Variants in ALMS1 observed in about 807,000 individuals in gnomAD.
ALMS1 encodes the protein centrosome-associated protein ALMS1.
A neutral mutation model predicts 352.2 loss-of-function variants in ALMS1; 271 were observed. The observed-to-expected ratio is 0.77, with a 90% CI of 0.70 to 0.85. The LOEUF is 0.85. Ranked by LOEUF, ALMS1 falls within the 40% of genes least tolerant of loss-of-function variation. The probability of loss-of-function intolerance (pLI) is 0.00; values close to 1 mark genes in which losing one functional copy is unlikely to be tolerated. For missense variants in ALMS1, 5,445 were observed against 4,870.7 expected (o/e 1.12, Z -3.51); for synonymous variants, 1,865 against 1,761.2 (o/e 1.06, Z -1.48).
chr2:73,509,604 T>C (rs1270829022), intron 10 of ALMS1, among the ~76,000 whole-genome samples: 2 of 152,218 alleles, frequency 1.3e-5, no homozygotes, highest in Non-Finnish European at 2.9e-5. Flanking sequence ...TCTTCTGGCT[T>C]GTAGGGTTTC....
intron 9 of ALMS1, among the ~76,000 whole-genome samples, chr2:73,461,008 G>C (rs1416215025): frequency 1.3e-5 from 2 of 152,202 alleles, no homozygotes; most frequent in Non-Finnish European, 2.9e-5. Flanking sequence ...CTCCACCTCT[G>C]GGGGCAGGGC....
chr2:73,453,306 A>G lies in ALMS1; in HGVS notation c.6779A>G (p.Lys2260Arg). Residue 2260 changes from lysine to arginine, a missense_variant, in exon 8 of 23, where the codon AAG becomes AGG. Lys to Arg is a conservative substitution (Grantham distance 26). Coordinates refer to ENST00000613296, the MANE Select transcript of ALMS1 (RefSeq NM_001378454.1). ...QDAENSAKTL[K>R]EIRTLLMEAE... ...GCAGAAAATAGTGCTAAAACTCTTA[A>G]GGAAATTCGGACACTTTTGATGGAG... 1 of 1,614,032 alleles carries G rather than the reference A, an allele frequency of 6.2e-7. No homozygotes were observed. Among genetic ancestry groups the G allele is most frequent in the Non-Finnish European group, 8.5e-7 (1 of 1,179,984 alleles).
chr2:73,554,199 A>AGT (rs1410088043), intron 13 of ALMS1, among the ~76,000 whole-genome samples: 1 of 151,868 alleles, frequency 6.6e-6, no homozygotes, highest in East Asian at 1.9e-4. Flanking sequence ...AAGAAAAGCT[A>AGT]GTGTTGATAT....
chr2:73,589,850 C>G (rs1187951017), intron 16 of ALMS1, among the ~76,000 whole-genome samples: 1 of 152,166 alleles, frequency 6.6e-6, no homozygotes, highest in Non-Finnish European at 1.5e-5. Flanking sequence ...CTGTCTTTAG[C>G]ATATATACCC....
rs762785848 is a variant in ALMS1 at position 73,422,986 on chromosome 2, T to C, written c.764+12T>C. ...TTTGCACCTCTGAGGTAGGATGATT[T>C]ATTTGCATGTAACCTTTCTCACTTC... is the stretch of plus-strand genomic sequence containing the variant. On this transcript the variant is annotated intron_variant, in intron 4 of 22. Coordinates refer to ENST00000613296, the MANE Select transcript of ALMS1 (RefSeq NM_001378454.1). The C allele has an allele frequency of 6.3e-7, 1 of 1,577,188 alleles. No homozygotes were observed. Among genetic ancestry groups the C allele is most frequent in the Admixed American group, 1.7e-5 (1 of 59,926 alleles).
intron 1 of ALMS1, among the ~76,000 whole-genome samples, chr2:73,386,908 G>A (rs1015267479): frequency 6.6e-6 from 1 of 152,144 alleles, no homozygotes; most frequent in Admixed American, 6.5e-5. Flanking sequence ...TTTTCGAGGA[G>A]CAAGACCTGC....
At chr2:73,414,642 C>T (rs955994028) in intron 2 of ALMS1, among the ~76,000 whole-genome samples, 5 of 151,692 alleles carry the variant, frequency 3.3e-5, no homozygotes, top group Admixed American at 6.6e-5. Context: ...CTCTTAGGTA[C>T]GATAAATAGC....
rs755966607 is a variant in ALMS1, at chr2:73,452,446, A to G, written c.5919A>G (p.Pro1973=). ...TGAAAGTTTCACCTGTTTCTATACC[A>G]GCAGAGCAGAAGACTGGGATACCAA... ...EALKVSPVSI[P]AEQKTGIPIG... The change falls in exon 8 of 23, where the codon CCA becomes CCG. Residue 1973 remains proline, a synonymous_variant. Coordinates refer to ENST00000613296, the MANE Select transcript of ALMS1 (RefSeq NM_001378454.1). The G allele has an allele frequency of 6.8e-6, 11 of 1,614,020 alleles. No homozygotes were observed. Among genetic ancestry groups the G allele is most frequent in the Non-Finnish European group, 8.5e-6 (10 of 1,179,978 alleles).
rs1275741570 is a variant in ALMS1 at position 73,432,227 on chromosome 2, A to T, written c.1368A>T (p.Ser456=). The change falls in exon 7 of 23, where the codon TCA becomes TCT. Residue 456 remains serine, a synonymous_variant. Transcript: ENST00000613296. ...KPTRESEYHS[S]DLRMLRMSPD... ...CAAGAGAGTCGGAATATCACTCTTC[A>T]GATCTCAGAATGTTGAGGATGTCTC... is the stretch of plus-strand genomic sequence containing the variant. 1.9e-6 allele frequency: 3 copies of T among 1,613,404 alleles called. No homozygotes were observed. The highest frequency in any genetic ancestry group is 2.5e-6 in the Non-Finnish European group (3 of 1,179,556).
chr2:73,421,373 C>A (rs926785544), intron 3 of ALMS1, among the ~76,000 whole-genome samples: 3 of 152,036 alleles, frequency 2.0e-5, no homozygotes, highest in Non-Finnish European at 2.9e-5. Flanking sequence ...GCCCAAAGGT[C>A]CCCCTTGTAG....
chr2:73,466,439 A>T (rs1421899789), intron 9 of ALMS1, among the ~76,000 whole-genome samples: 1 of 140,256 alleles, frequency 7.1e-6, no homozygotes, highest in Non-Finnish European at 1.5e-5. Context: ...AACAATGAGA[A>T]CACATGGACA....
chr2:73,609,533 T>C (rs973570686), intron 22 of ALMS1, 35 bp from the exon 23 acceptor site: 4 of 1,610,378 alleles, frequency 2.5e-6, no homozygotes, highest in Admixed American at 3.3e-5. Flanking sequence ...GGCAGTAATA[T>C]CTAACTTCTT....
chr2:73,507,903 T>G (rs902920989), intron 10 of ALMS1, among the ~76,000 whole-genome samples: 2 of 152,156 alleles, frequency 1.3e-5, no homozygotes, highest in Non-Finnish European at 2.9e-5. Flanking sequence ...TGCTTTCTCC[T>G]GTGGGCATTT....
intron 11 of ALMS1, among the ~76,000 whole-genome samples, chr2:73,533,446 C>A (rs1444407325): frequency 6.6e-6 from 1 of 152,172 alleles, no homozygotes; most frequent in African/African-American, 2.4e-5. Flanking sequence ...ACTTCCATTT[C>A]TGGGTCTAGA....
At chr2:73,523,633 G>C (rs1010515632) in intron 11 of ALMS1, among the ~76,000 whole-genome samples, 1 of 152,166 alleles carries the variant, frequency 6.6e-6, no homozygotes, top group Non-Finnish European at 1.5e-5. Flanking sequence ...CGGGCATGAT[G>C]GCACATGCCT....
In ALMS1 at chr2:73,432,388, A is replaced by C. The variant is rs1671517999; in HGVS notation, c.1432+97A>C. ...TCTAATTTTGTATTTTTTAATATCT[A>C]TAATAATTATACTTCAGATTAGATG... On this transcript the variant is annotated intron_variant, in intron 7 of 22. Transcript: ENST00000613296. 9 of 798,006 alleles carry C rather than the reference A, an allele frequency of 1.1e-5. 1 individual carries two copies. In the Admixed American group the frequency reaches 1.5e-4, roughly 13 times the overall value. The allele number at this position is 798,006 out of a possible 1,614,324, so 49.4% of individuals were successfully genotyped here.
At chr2:73,440,515 C>T (rs1391803612) in intron 7 of ALMS1, among the ~76,000 whole-genome samples, 3 of 152,134 alleles carry the variant, frequency 2.0e-5, no homozygotes, top group Admixed American at 6.5e-5. Context: ...CCTCTGCTTC[C>T]GGGGTTCAGG....
intron 12 of ALMS1, among the ~76,000 whole-genome samples, chr2:73,544,632 G>A (rs1247298433): frequency 6.6e-6 from 1 of 152,126 alleles, no homozygotes; most frequent in South Asian, 2.1e-4. Flanking sequence ...TAGCCATTAC[G>A]GAAAACATTG....
chr2:73,562,690 C>G (rs1419300983), intron 15 of ALMS1, among the ~76,000 whole-genome samples: 1 of 151,942 alleles, frequency 6.6e-6, no homozygotes, highest in Non-Finnish European at 1.5e-5. Flanking sequence ...GAGTTTGAGA[C>G]CAGCCTGACC....
Sources: allele counts gnomAD v4.1 joint callset (sites outside exome capture counted in the v4.1 genomes callset), GRCh38; gene constraint gnomAD v4.1.1; transcripts MANE v1.5; gene names NCBI Gene and HGNC (gene_info 2026-07-23, HGNC 2026-07-21).